Variants in DNTTIP2 observed in about 807,000 individuals in gnomAD.
The protein encoded by DNTTIP2 is deoxynucleotidyltransferase terminal interacting protein 2, also known as deoxynucleotidyltransferase terminal-interacting protein 2.
A neutral mutation model predicts 62.4 loss-of-function variants in DNTTIP2; 47 were observed. The observed-to-expected ratio is 0.75, with a 90% CI of 0.60 to 0.96. The LOEUF (loss-of-function observed/expected upper bound fraction) is 0.96. DNTTIP2 is among the 40% of genes least tolerant of loss of function. The pLI is 0.00. For synonymous variants in DNTTIP2, 322 were observed against 300.9 expected, an observed-to-expected ratio of 1.07 and a Z score of -0.73; for missense variants, 870 against 849.1, an observed-to-expected ratio of 1.02 and a Z score of -0.31.
chr1:93,870,894 A>G (rs192435126), intron 5 of DNTTIP2, 102 bp from the exon 6 acceptor site: 229 of 540,562 alleles, frequency 4.2e-4, no homozygotes, highest in Non-Finnish European at 6.6e-4. Context: ...GGAAAGAACA[A>G]GCTTACATTA....
In DNTTIP2 at chr1:93,867,687, A is replaced by G. The variant is rs923633528; in HGVS notation, c.*2164T>C. On this transcript the variant is annotated 3_prime_UTR_variant, in exon 7 of 7. Transcript: ENST00000436063. Reference sequence around the variant, plus strand: ...CTTGCTTATTAAAAAGCAAAACATAACTTCATCCATTATTTAAATATCCAG... The same window carrying G: ...CTTGCTTATTAAAAAGCAAAACATAGCTTCATCCATTATTTAAATATCCAG... 6.6e-6 allele frequency: 1 copy of G among 152,130 alleles called. No homozygotes were observed. The highest frequency in any genetic ancestry group is 6.5e-5 in the Admixed American group (1 of 15,268). 9.4% of individuals were successfully genotyped at this position (152,130 alleles called of 1,614,324 possible).
Position 93,877,148 on chromosome 1 carries a change from T to C in DNTTIP2, c.787A>G (p.Asn263Asp). ...TGGGAGAAATCATCATCAAAGTCAT[T>C]ATTATAGAAATTTGGCTTATTTATC... ...SEINKPNFYNNDFDDDFSHRS... is the reference protein window; with the variant it reads ...SEINKPNFYNDDFDDDFSHRS... The change falls in exon 2 of 7, where the codon AAT becomes GAT. Residue 263 changes from asparagine to aspartate, a missense_variant. Coordinates refer to ENST00000436063, the MANE Select transcript of DNTTIP2 (RefSeq NM_014597.5). 1.2e-6 allele frequency: 2 copies of C among 1,612,810 alleles called. No homozygotes were observed. The highest frequency in any genetic ancestry group is 1.7e-6 in the Non-Finnish European group (2 of 1,179,836).
At position 93,876,758 on chromosome 1, in the gene DNTTIP2, C is replaced by T. The variant is rs1257405485; in HGVS notation, c.1177G>A (p.Asp393Asn). 1.9e-6 allele frequency: 3 copies of T among 1,613,988 alleles called. No individual in the cohort carries two copies. Among genetic ancestry groups the T allele is most frequent in the Non-Finnish European group, 2.5e-6 (3 of 1,179,874 alleles). ...TCTTCATCATCACTACCACCACAAT[C>T]ACCAAACTTTGTCAAGTCACTTGCT... ...IKASDLTKFG[D>N]CGGSDDEEES... The change falls in exon 2 of 7, where the codon GAT (aspartate) becomes AAT (asparagine). Residue 393 changes from aspartate to asparagine, a missense_variant. By Grantham distance (23) the Asp-to-Asn change is conservative. Transcript: ENST00000436063.
At chr1:93,870,286 C>T (rs1362701386) in intron 6 of DNTTIP2, among the ~76,000 whole-genome samples, 1 of 152,112 alleles carries the variant, frequency 6.6e-6, no homozygotes, top group African/African-American at 2.4e-5. Context: ...CCTGAAAATG[C>T]ACAGTATGAT....
chr1:93,873,279 A>T (rs1159792430), intron 3 of DNTTIP2, 65 bp from the exon 4 acceptor site: 4 of 1,300,696 alleles, frequency 3.1e-6, no homozygotes, highest in Admixed American at 2.1e-5. Flanking sequence ...TCAACAGTTT[A>T]AACTTCTGTA....
rs1259399000 is a variant in DNTTIP2, at chr1:93,868,727, GCAAGAACAGAAAACTAACA to G, written c.*1105_*1123del. 6.6e-6 allele frequency: 1 copy of G among 152,080 alleles called. No individual in the cohort carries two copies. The highest frequency in any genetic ancestry group is 1.5e-5 in the Non-Finnish European group (1 of 68,020). 9.4% of individuals were successfully genotyped at this position (152,080 alleles called of 1,614,324 possible). ...ATGGCTGAAGCTGGAAATCATCTCA[GCAAGAACAGAAAACTAACA>G]CAAGAACAGAAAACCAAACACTGCA... On this transcript the variant is annotated 3_prime_UTR_variant, in exon 7 of 7. Transcript: ENST00000436063.
Position 93,877,805 on chromosome 1 carries a change from G to A in DNTTIP2, c.130C>T (p.Arg44Ter), listed in dbSNP as rs371763141. The change falls in exon 2 of 7, where the codon CGA becomes TGA. Residue 44 changes from arginine to a stop codon, truncating the protein, a stop_gained. Transcript: ENST00000436063. LOFTEE classifies it high-confidence loss of function. ...HPESSTGSDA[R>*]TTAESQTTGK... ...GTGGTCTGTGATTCAGCAGTAGTTC[G>A]GGCATCAGATCCAGTACTACTTTCT... 8 of 1,607,126 alleles carry A rather than the reference G, an allele frequency of 5.0e-6. No homozygotes were observed. The highest frequency in any genetic ancestry group is 1.7e-5 in the Admixed American group (1 of 59,994).
rs1347495195 is a variant in DNTTIP2 at position 93,870,671 on chromosome 1, G to A, written c.2177+12C>T. ...AGTATACATATTATAAAATAAATATGAATTCCTTTACCTTCTGAATTCAGA... is the reference window on the plus strand; with the variant it reads ...AGTATACATATTATAAAATAAATATAAATTCCTTTACCTTCTGAATTCAGA... On this transcript the variant is annotated intron_variant, in intron 6 of 6. Transcript: ENST00000436063. 2.1e-6 allele frequency: 3 copies of A among 1,433,052 alleles called. No homozygotes were observed. Among genetic ancestry groups the A allele is most frequent in the Non-Finnish European group, 2.8e-6 (3 of 1,063,756 alleles). The allele number at this position is 1,433,052 out of a possible 1,614,324, so 88.8% of individuals were successfully genotyped here.
intron 5 of DNTTIP2, 68 bp from the exon 6 acceptor site, chr1:93,870,860 C>A (rs1008945479): frequency 7.2e-6 from 5 of 698,628 alleles, no homozygotes; most frequent in South Asian, 6.0e-5. Context: ...CAGTGTAGCT[C>A]TAATTATATT....
At chr1:93,871,799 T>C (rs1266702643) in intron 5 of DNTTIP2, among the ~76,000 whole-genome samples, 1 of 152,168 alleles carries the variant, frequency 6.6e-6, no homozygotes, top group Admixed American at 6.5e-5. Flanking sequence ...GCTGATACTA[T>C]TCATACATTC....
chr1:93,869,032 A>G lies in DNTTIP2; in HGVS notation c.*819T>C, dbSNP rs1655789942. On this transcript the variant is annotated 3_prime_UTR_variant, in exon 7 of 7. Transcript: ENST00000436063. ...ATATTTGCTGATATCTCAAGGAAGCAGTATGCTGGAAAAATAGAGGTAAAG... is the reference window on the plus strand; with the variant it reads ...ATATTTGCTGATATCTCAAGGAAGCGGTATGCTGGAAAAATAGAGGTAAAG... The G allele has an allele frequency of 6.6e-6, 1 of 152,204 alleles. No homozygotes were observed. Among genetic ancestry groups the G allele is most frequent in the Admixed American group, 6.5e-5 (1 of 15,278 alleles). 9.4% of individuals were successfully genotyped at this position (152,204 alleles called of 1,614,324 possible). A position where few individuals can be genotyped will look rare whatever the true frequency, so the allele number is the denominator to read the frequency against.
In DNTTIP2 at chr1:93,879,075, AC is replaced by A; in HGVS notation, c.72+1del. On this transcript the variant is annotated splice_donor_variant, in intron 1 of 6. Coordinates refer to ENST00000436063, the MANE Select transcript of DNTTIP2 (RefSeq NM_014597.5). LOFTEE classifies it high-confidence loss of function. ...AGAAGTAGGGAAGACTGGATTTCCT[AC>A]CTTTTGCCCGGAACTTTCAGCCGAC... The A allele has an allele frequency of 6.2e-7, 1 of 1,613,494 alleles. No homozygotes were observed. Among genetic ancestry groups the A allele is most frequent in the Non-Finnish European group, 8.5e-7 (1 of 1,179,820 alleles).
chr1:93,869,985 A>G (rs771527789), intron 6 of DNTTIP2, 41 bp from the exon 7 acceptor site: 92 of 759,530 alleles, frequency 1.2e-4, no homozygotes, highest in Middle Eastern at 6.1e-4. Context: ...GATATATCAG[A>G]CATTAGAAGT....
In DNTTIP2 at chr1:93,875,871, C is replaced by T. The variant is rs542615132; in HGVS notation, c.1668-88G>A. The T allele has an allele frequency of 9.8e-5, 134 of 1,362,772 alleles. 2 individuals carry two copies. The Admixed American group carries it at 3.3e-3, about 34-fold the overall frequency. The allele number at this position is 1,362,772 out of a possible 1,614,324, so 84.4% of individuals were successfully genotyped here. A position where few individuals can be genotyped will look rare whatever the true frequency, so the allele number is the denominator to read the frequency against. On this transcript the variant is annotated intron_variant, in intron 2 of 6. Coordinates refer to ENST00000436063, the MANE Select transcript of DNTTIP2 (RefSeq NM_014597.5). ...GCATTTTAAAAAATCACTTATTCTT[C>T]TCTTCCCTTGTATTGTCCACAATAA...
In DNTTIP2 at chr1:93,877,581, T is replaced by C. The variant is rs1172500172; in HGVS notation, c.354A>G (p.Pro118=). The change falls in exon 2 of 7, where the codon CCA becomes CCG. Residue 118 remains proline (P), a synonymous_variant. Transcript: ENST00000436063. ...RRRQILIACS[P]VSSVRKKPKV... ...TCGGCTTTTTCCTAACACTGGACAC[T>C]GGGGAGCATGCAATTAAGATCTGCC... The C allele has an allele frequency of 6.2e-7, 1 of 1,613,996 alleles. No individual in the cohort carries two copies.
chr1:93,873,340 T>C, intron 3 of DNTTIP2, 126 bp from the exon 4 acceptor site: 1 of 684,264 alleles, frequency 1.5e-6, no homozygotes, highest in East Asian at 3.0e-5. Flanking sequence ...CCTATAATCC[T>C]AGTGCTTTGA....
rs1325363634 is a variant in DNTTIP2, at chr1:93,867,394, G to A, written c.*2457C>T. On this transcript the variant is annotated 3_prime_UTR_variant, in exon 7 of 7. Coordinates refer to ENST00000436063, the MANE Select transcript of DNTTIP2 (RefSeq NM_014597.5). The stretch of plus-strand genomic sequence containing the variant: ...AGGCCGAGGCGGGTGGATCACTTGA[G>A]GTAAGGATGGCAAAACCCCATCTCT... 6.6e-6 allele frequency: 1 copy of A among 152,022 alleles called. No individual in the cohort carries two copies. The highest frequency in any genetic ancestry group is 6.6e-5 in the Admixed American group (1 of 15,228). 9.4% of individuals were successfully genotyped at this position (152,022 alleles called of 1,614,324 possible).
intron 1 of DNTTIP2, 154 bp downstream of exon 1, chr1:93,878,923 G>A (rs902926252): frequency 6.4e-6 from 6 of 931,020 alleles, no homozygotes; most frequent in Non-Finnish European, 9.4e-6. Context: ...TTCCGTGACA[G>A]GCTTAGCACG....
chr1:93,877,700 T>A lies in DNTTIP2; in HGVS notation c.235A>T (p.Thr79Ser). 6.2e-7 allele frequency: 1 copy of A among 1,613,978 alleles called. No individual in the cohort carries two copies. The highest frequency in any genetic ancestry group is 8.5e-7 in the Non-Finnish European group (1 of 1,179,886). Residue 79 changes from threonine to serine, a missense_variant, in exon 2 of 7, where the codon ACT (threonine) becomes TCT (serine). By Grantham distance (58) the Thr-to-Ser change is moderately conservative. Coordinates refer to ENST00000436063, the MANE Select transcript of DNTTIP2 (RefSeq NM_014597.5). ...GTTTCTCCATCCGTAGATGGTTCAG[T>A]CCCCTTTGGTAGTGAGCCTGTAGTT... ...SRTTGSLPKG[T>S]EPSTDGETSE...
Sources: gnomAD v4.1 joint callset for allele counts (sites outside exome capture counted in the v4.1 genomes callset) on GRCh38, gnomAD v4.1.1 for gene constraint, MANE v1.5 for transcripts, NCBI Gene and HGNC (gene_info 2026-07-23, HGNC 2026-07-21) for gene names.